Variants in PCDHGB2 observed in about 807,000 individuals in gnomAD.
PCDHGB2 encodes the protein protocadherin gamma-B2.
A neutral mutation model predicts 59.3 loss-of-function variants in PCDHGB2; 55 were observed. The ratio of observed to expected loss-of-function variants is 0.93; its 90% CI spans 0.75 to 1.16. The LOEUF is 1.16. PCDHGB2 is among the 50% of genes most tolerant of loss of function. The pLI, the probability that PCDHGB2 is intolerant of heterozygous loss-of-function variation, is 0.00. For synonymous variants in PCDHGB2, 516 were observed against 512.0 expected (o/e 1.01, Z -0.11); for missense variants, 1,228 against 1,198.5 (o/e 1.02, Z -0.36).
intron 1 of PCDHGB2, among the ~76,000 whole-genome samples, chr5:141,456,187 A>G (rs989106132): frequency 3.9e-5 from 6 of 152,084 alleles, no homozygotes; most frequent in African/African-American, 1.4e-4. Flanking sequence ...TAATTTCTTA[A>G]TAACTCCTAC....
intron 1 of PCDHGB2, chr5:141,398,772 G>A: frequency 6.2e-7 from 1 of 1,613,910 alleles, no homozygotes; most frequent in South Asian, 1.1e-5. Flanking sequence ...TGACTGCCTT[G>A]GACGGTGGAC....
chr5:141,372,511 C>T, intron 1 of PCDHGB2: 3 of 1,614,022 alleles, frequency 1.9e-6, no homozygotes, highest in Non-Finnish European at 2.5e-6. Context: ...TTCCTCCTCG[C>T]GGTGATTCTG....
At chr5:141,369,342 T>C (rs922060609) in intron 1 of PCDHGB2, among the ~76,000 whole-genome samples, 8 of 152,174 alleles carry the variant, frequency 5.3e-5, no homozygotes, top group African/African-American at 1.9e-4. Context: ...TTCAGGACAA[T>C]TGTGATGTAG....
Position 141,410,050 on chromosome 5 carries a change from C to T in PCDHGB2, c.2421+47494C>T, listed in dbSNP as rs762077790. ...TGCTGCAGGCCAGTGAGCCCGGACT[C>T]TTCAGCCTGGGGCTGCGCACTGGGG... On this transcript the variant is annotated intron_variant, in intron 1 of 3. Coordinates refer to ENST00000522605, the MANE Select transcript of PCDHGB2 (RefSeq NM_018923.3). The T allele has an allele frequency of 6.2e-6, 10 of 1,613,180 alleles. No homozygotes were observed. In the East Asian group the frequency reaches 1.6e-4, roughly 25 times the overall value.
In PCDHGB2 at chr5:141,389,898, GA is replaced by G. The variant is rs916636012; in HGVS notation, c.2421+27343del. ...CGACAGCTTGCAGGAGGTGCTGCCGGATATCACTGACCGCCCCGACCCCTCT... is the reference window on the plus strand; with the variant it reads ...CGACAGCTTGCAGGAGGTGCTGCCGGTATCACTGACCGCCCCGACCCCTCT... On this transcript the variant is annotated intron_variant, in intron 1 of 3. Coordinates refer to ENST00000522605, the MANE Select transcript of PCDHGB2 (RefSeq NM_018923.3). 3.1e-6 allele frequency: 5 copies of G among 1,613,952 alleles called. No homozygotes were observed. In the African/African-American group the frequency reaches 5.3e-5, roughly 17 times the overall value.
At chr5:141,372,421 G>A (rs1406028554) in intron 1 of PCDHGB2, 2 of 1,614,058 alleles carry the variant, frequency 1.2e-6, no homozygotes, top group Non-Finnish European at 1.7e-6. Context: ...CCTGACCTTA[G>A]CGACCGCCCC....
At chr5:141,504,594 C>T (rs2099839378) in intron 2 of PCDHGB2, among the ~76,000 whole-genome samples, 2 of 140,288 alleles carry the variant, frequency 1.4e-5, no homozygotes, top group South Asian at 4.4e-4. Context: ...GGATTCACAG[C>T]AAGAGGGAAC....
At chr5:141,385,487 A>G in intron 1 of PCDHGB2, 1 of 1,416,436 alleles carries the variant, frequency 7.1e-7, no homozygotes, top group Admixed American at 3.0e-5. Flanking sequence ...TATAGAACAC[A>G]TAGGATATAG....
At chr5:141,368,548 T>A (rs867089614) in intron 1 of PCDHGB2, among the ~76,000 whole-genome samples, 20 of 152,266 alleles carry the variant, frequency 1.3e-4, no homozygotes, top group African/African-American at 3.6e-4. Context: ...CCATTTTTTT[T>A]AAAAGAAAAT....
At position 141,409,535 on chromosome 5, in the gene PCDHGB2, A is replaced by G. The variant is rs745624722; in HGVS notation, c.2421+46979A>G. 5 of 1,613,894 alleles carry G rather than the reference A, an allele frequency of 3.1e-6. No homozygotes were observed. The African/African-American group carries it at 4.0e-5, about 13-fold the overall frequency. ...AAGCATCACCTTGTATGTCGCTGAC[A>G]TCAACGACAACGCCCCAGTTTTCGA... On this transcript the variant is annotated intron_variant, in intron 1 of 3. Coordinates refer to ENST00000522605, the MANE Select transcript of PCDHGB2 (RefSeq NM_018923.3).
intron 1 of PCDHGB2, chr5:141,492,023 C>T: frequency 1.8e-6 from 1 of 564,804 alleles, no homozygotes; most frequent in Non-Finnish European, 3.0e-6. Context: ...TCGGGGGTCC[C>T]GGGAGGAGGC....
intron 1 of PCDHGB2, among the ~76,000 whole-genome samples, chr5:141,454,658 G>T (rs961640658): frequency 1.3e-5 from 2 of 151,812 alleles, no homozygotes; most frequent in Non-Finnish European, 2.9e-5. Flanking sequence ...TGCCCACCTC[G>T]GCCTCCCAAA....
chr5:141,387,788 A>G, intron 1 of PCDHGB2: 2 of 1,487,916 alleles, frequency 1.3e-6, no homozygotes, highest in Non-Finnish European at 1.8e-6. Flanking sequence ...TGGAACTGCA[A>G]CTAAAGTCCG....
Position 141,392,866 on chromosome 5 carries a change from C to T in PCDHGB2, c.2421+30310C>T, listed in dbSNP as rs1000509941. The stretch of plus-strand genomic sequence containing the variant: ...CGCGGCGAGCTGATCCTGCTGTGCG[C>T]GCTGCTGGGAACGCTGTGGGAAATC... On this transcript the variant is annotated intron_variant, in intron 1 of 3. Transcript: ENST00000522605. 7 of 1,612,962 alleles carry T rather than the reference C, an allele frequency of 4.3e-6. No individual in the cohort carries two copies. The highest frequency in any genetic ancestry group is 3.3e-4 in the Middle Eastern group (2 of 6,060).
intron 1 of PCDHGB2, chr5:141,392,984 G>A: frequency 1.2e-6 from 2 of 1,613,914 alleles, no homozygotes; most frequent in Non-Finnish European, 1.7e-6. Context: ...TGGACCCCCG[G>A]AAGCTGGCGA....
At chr5:141,456,119 C>G (rs902179639) in intron 1 of PCDHGB2, among the ~76,000 whole-genome samples, 3 of 151,826 alleles carry the variant, frequency 2.0e-5, no homozygotes, top group Non-Finnish European at 4.4e-5. Flanking sequence ...GGATGGTCTC[C>G]ATCTCCTGAC....
Position 141,432,701 on chromosome 5 carries a change from G to A in PCDHGB2, c.2422-62106G>A, listed in dbSNP as rs200101512. ...GCAGAGCCTCGTAGTGGCCGTCCAG[G>A]ACCACGGCCAGCCCCCTCTCTCCGC... On this transcript the variant is annotated intron_variant, in intron 1 of 3. Coordinates refer to ENST00000522605, the MANE Select transcript of PCDHGB2 (RefSeq NM_018923.3). This position sits in a 1 kb window ranked among gnomAD's most constrained non-coding sequence, Gnocchi z 6.0. The A allele has an allele frequency of 2.7e-5, 44 of 1,613,842 alleles. No homozygotes were observed. The Admixed American group carries it at 5.3e-4, about 20-fold the overall frequency.
chr5:141,450,831 T>TATTA (rs761717068), intron 1 of PCDHGB2, among the ~76,000 whole-genome samples: 2 of 144,580 alleles, frequency 1.4e-5, no homozygotes, highest in South Asian at 2.2e-4. Flanking sequence ...TTATTATTAT[T>TATTA]TTTTTTTTTT....
chr5:141,371,116 T>C, intron 1 of PCDHGB2: 1 of 1,613,914 alleles, frequency 6.2e-7, no homozygotes, highest in Non-Finnish European at 8.5e-7. Context: ...AACCCCCCAG[T>C]ATTTACTCAG....
Sources: allele counts gnomAD v4.1 joint callset (sites outside exome capture counted in the v4.1 genomes callset), GRCh38; gene constraint gnomAD v4.1.1; non-coding constraint Gnocchi (gnomAD v3.1); transcripts MANE v1.5; gene names NCBI Gene and HGNC (gene_info 2026-07-23, HGNC 2026-07-21).